The following RIMBP2 variants were observed in gnomAD, a reference collection of about 807,000 sequenced individuals.
RIMBP2 encodes the protein RIMS binding protein 2.
In RIMBP2, 48 loss-of-function variants were observed where a neutral mutation model predicts 118.6. The ratio of observed to expected loss-of-function variants is 0.40; its 90% CI spans 0.32 to 0.51. RIMBP2 has a LOEUF of 0.51. RIMBP2 is among the 20% of genes least tolerant of loss of function. RIMBP2 has a pLI of 0.41. For missense variants in RIMBP2, 1,551 were observed against 1,768.3 expected (o/e 0.88, Z 2.20); for synonymous variants, 762 against 742.9 (o/e 1.03, Z -0.42).
intron 5 of RIMBP2, among the ~76,000 whole-genome samples, chr12:130,478,225 T>C (rs1245136219): frequency 6.6e-6 from 1 of 152,222 alleles, no homozygotes; most frequent in Non-Finnish European, 1.5e-5. Flanking sequence ...CCTGATTTCT[T>C]TTCCTTTCTG....
At chr12:130,611,502 C>T (rs986661401) in intron 2 of RIMBP2, among the ~76,000 whole-genome samples, 2 of 152,220 alleles carry the variant, frequency 1.3e-5, no homozygotes, top group South Asian at 2.1e-4. Context: ...ACACCGGCTG[C>T]CGGCTACCGG....
intron 1 of RIMBP2, among the ~76,000 whole-genome samples, chr12:130,650,349 G>C (rs1235900368): frequency 6.6e-6 from 1 of 152,212 alleles, no homozygotes; most frequent in Non-Finnish European, 1.5e-5. Flanking sequence ...TCCCAGCCTG[G>C]GGCTCTAAAT....
At chr12:130,663,041 T>A (rs955857678) in intron 1 of RIMBP2, among the ~76,000 whole-genome samples, 2 of 152,224 alleles carry the variant, frequency 1.3e-5, no homozygotes, top group African/African-American at 4.8e-5. Context: ...CTGGATATTT[T>A]TAAACCATCC....
chr12:130,418,086 A>G (rs997244129), intron 17 of RIMBP2, among the ~76,000 whole-genome samples: 5 of 152,324 alleles, frequency 3.3e-5, no homozygotes, highest in Middle Eastern at 3.4e-3. Context: ...TGGAGAAAGA[A>G]CCAAACCGTT....
At chr12:130,426,425 G>C (rs548752444) in intron 15 of RIMBP2, 1 of 152,352 alleles carries the variant, frequency 6.6e-6, no homozygotes, top group South Asian at 2.1e-4. Flanking sequence ...GATTACAGGC[G>C]CGTGCCACCA....
At chr12:130,455,851 A>G (rs377549020) in intron 7 of RIMBP2, among the ~76,000 whole-genome samples, 26 of 151,918 alleles carry the variant, frequency 1.7e-4, no homozygotes, top group East Asian at 1.6e-3. Context: ...TTCAGCCAGG[A>G]CGTAGCACCT....
intron 3 of RIMBP2, among the ~76,000 whole-genome samples, chr12:130,516,613 T>C (rs2051490720): frequency 6.6e-6 from 1 of 152,170 alleles, no homozygotes; most frequent in Admixed American, 6.5e-5. Flanking sequence ...ACCTGAGGGT[T>C]GAAAGGCAAG....
chr12:130,472,257 G>A (rs1445517405), intron 5 of RIMBP2: 1 of 152,254 alleles, frequency 6.6e-6, no homozygotes, highest in African/African-American at 2.4e-5. Flanking sequence ...TTGAAACCAA[G>A]AGTGCTAACG....
chr12:130,413,780 C>T (rs1159130201), intron 18 of RIMBP2, among the ~76,000 whole-genome samples: 1 of 152,170 alleles, frequency 6.6e-6, no homozygotes, highest in Admixed American at 6.5e-5. Context: ...TTTCCCTCTC[C>T]CTCCTTCCTC....
rs142210820 is a variant in RIMBP2, at chr12:130,477,214, C to T, written c.102+1698G>A. ...CAGCACACAGAAGAGATCGTGGACG[C>T]GGAATAACAGAGTCAGTTCCAGGTC... On this transcript the variant is annotated intron_variant, in intron 5 of 22. Coordinates refer to ENST00000690449, the MANE Select transcript of RIMBP2 (RefSeq NM_001393629.1). Among the ~76,000 whole-genome samples the T allele has an allele frequency of 2.6e-3, 394 of 152,294 alleles. 1 individual carries two copies. Among genetic ancestry groups the T allele is most frequent in the African/African-American group, 8.6e-3 (358 of 41,552 alleles).
At chr12:130,411,684 A>T (rs2075726991) in intron 19 of RIMBP2, among the ~76,000 whole-genome samples, 1 of 152,128 alleles carries the variant, frequency 6.6e-6, no homozygotes, top group Admixed American at 6.6e-5. Flanking sequence ...GGGAAAGGAG[A>T]TCTTAACAAA....
intron 6 of RIMBP2, among the ~76,000 whole-genome samples, chr12:130,468,508 A>G (rs1354640853): frequency 1.3e-5 from 2 of 151,474 alleles, no homozygotes; most frequent in Non-Finnish European, 2.9e-5. Context: ...CGAACTCACC[A>G]TCCAACTCAG....
rs2061473410 is a variant in RIMBP2, at chr12:130,623,932, A to T, written c.-217+4390T>A. Among the ~76,000 whole-genome samples, 1 of 151,932 alleles carries T rather than the reference A, an allele frequency of 6.6e-6. No homozygotes were observed. The highest frequency in any genetic ancestry group is 1.5e-5 in the Non-Finnish European group (1 of 67,968). On this transcript the variant is annotated intron_variant, in intron 2 of 22. Transcript: ENST00000690449. The surrounding 1 kb of genome is among the most constrained non-coding windows in gnomAD (Gnocchi z 4.1). ...AGTGGCAACTGGCTGGATAACACAC[A>T]CCCATTACTGACTTCCTGCCCTGCC...
chr12:130,570,448 C>T (rs190871501), intron 2 of RIMBP2, among the ~76,000 whole-genome samples: 99 of 152,194 alleles, frequency 6.5e-4, no homozygotes, highest in Non-Finnish European at 4.7e-4. Flanking sequence ...CAAACAAAAA[C>T]CCTGAAATTT....
At chr12:130,510,714 C>A (rs2050827452) in intron 3 of RIMBP2, among the ~76,000 whole-genome samples, 1 of 152,136 alleles carries the variant, frequency 6.6e-6, no homozygotes. Context: ...AGTGATCTGC[C>A]CACTTCGGCC....
At chr12:130,567,129 G>A (rs1020271229) in intron 2 of RIMBP2, among the ~76,000 whole-genome samples, 3 of 152,198 alleles carry the variant, frequency 2.0e-5, no homozygotes, top group East Asian at 1.9e-4. Flanking sequence ...TACAGCCAGG[G>A]AAAATTAAAA....
chr12:130,599,709 A>G (rs1219689749), intron 2 of RIMBP2, among the ~76,000 whole-genome samples: 5 of 152,226 alleles, frequency 3.3e-5, no homozygotes, highest in South Asian at 2.1e-4. Flanking sequence ...ATTAACTACA[A>G]TGTGTTATAG....
At chr12:130,522,388 C>T (rs1032786635) in intron 2 of RIMBP2, among the ~76,000 whole-genome samples, 1 of 152,186 alleles carries the variant, frequency 6.6e-6, no homozygotes, top group Admixed American at 6.5e-5. Context: ...CAGCCCAGGC[C>T]CCAGTCTTAG....
At chr12:130,480,641 C>T (rs1416362155) in intron 4 of RIMBP2, among the ~76,000 whole-genome samples, 1 of 152,168 alleles carries the variant, frequency 6.6e-6, no homozygotes, top group Non-Finnish European at 1.5e-5. Context: ...TGCTCTGTCA[C>T]CCAGGCTGGA....
Sources: gnomAD v4.1 joint callset for allele counts (sites outside exome capture counted in the v4.1 genomes callset) on GRCh38, gnomAD v4.1.1 for gene constraint, Gnocchi (gnomAD v3.1) non-coding constraint, MANE v1.5 for transcripts, NCBI Gene and HGNC (gene_info 2026-07-23, HGNC 2026-07-21) for gene names.